Variants in GABRB2 observed in about 807,000 individuals in gnomAD.
GABRB2 encodes the protein gamma-aminobutyric acid type A receptor subunit beta2.
GABRB2 carries 16 observed loss-of-function variants against 54.7 expected under a neutral mutation model. The observed-to-expected ratio is 0.29, with a 90% CI of 0.20 to 0.44. The LOEUF is 0.44. GABRB2 is among the 20% of genes least tolerant of loss of function. GABRB2 has a pLI of 1.00. For synonymous variants in GABRB2, 244 were observed against 233.8 expected (o/e 1.04, Z -0.40); for missense variants, 355 against 644.0 (o/e 0.55, Z 4.86).
intron 5 of GABRB2, among the ~76,000 whole-genome samples, chr5:161,381,358 T>C (rs1755461308): frequency 6.6e-6 from 1 of 152,166 alleles, no homozygotes; most frequent in Non-Finnish European, 1.5e-5. Context: ...ATCCTTATAA[T>C]GACAGCAGTA....
At chr5:161,539,447 A>G (rs1760744974) in intron 3 of GABRB2, among the ~76,000 whole-genome samples, 1 of 152,142 alleles carries the variant, frequency 6.6e-6, no homozygotes, top group South Asian at 2.1e-4. Context: ...CATTTTCCTC[A>G]TGATTTTCTA....
At chr5:161,319,795 T>C (rs2113378515) in intron 9 of GABRB2, among the ~76,000 whole-genome samples, 1 of 152,014 alleles carries the variant, frequency 6.6e-6, no homozygotes, top group South Asian at 2.1e-4. Flanking sequence ...TCTTATGGGC[T>C]AGATGCTCTT....
At chr5:161,378,787 A>G (rs1454043219) in intron 5 of GABRB2, among the ~76,000 whole-genome samples, 5 of 152,224 alleles carry the variant, frequency 3.3e-5, no homozygotes, top group African/African-American at 1.2e-4. Context: ...AATAAAGAGT[A>G]TATTTGAAAA....
At chr5:161,326,283 A>T (rs1758358363) in intron 9 of GABRB2, 85 bp downstream of exon 9, 2 of 1,571,294 alleles carry the variant, frequency 1.3e-6, no homozygotes, top group Non-Finnish European at 8.6e-7. Flanking sequence ...ATCTGCAAAG[A>T]TCCCACACAT....
At chr5:161,495,831 T>C (rs767352872) in intron 3 of GABRB2, among the ~76,000 whole-genome samples, 5 of 152,142 alleles carry the variant, frequency 3.3e-5, no homozygotes, top group Non-Finnish European at 7.3e-5. Context: ...CCTATCCTTA[T>C]ATCTTCTATA....
At chr5:161,450,303 C>T (rs1015594220) in intron 4 of GABRB2, among the ~76,000 whole-genome samples, 17 of 152,006 alleles carry the variant, frequency 1.1e-4, no homozygotes, top group African/African-American at 4.1e-4. Flanking sequence ...GATCCATTGG[C>T]TACCAGAACA....
intron 4 of GABRB2, among the ~76,000 whole-genome samples, chr5:161,453,509 T>C (rs1757854011): frequency 6.6e-6 from 1 of 152,110 alleles, no homozygotes; most frequent in Non-Finnish European, 1.5e-5. Context: ...TGAGAAGGTA[T>C]CATCCATGAA....
chr5:161,387,207 T>A (rs1755671701), intron 5 of GABRB2, among the ~76,000 whole-genome samples: 1 of 152,176 alleles, frequency 6.6e-6, no homozygotes, highest in African/African-American at 2.4e-5. Context: ...GCCTTGTGAA[T>A]GACTGACTTC....
intron 3 of GABRB2, among the ~76,000 whole-genome samples, chr5:161,470,202 G>C (rs749757340): frequency 6.6e-6 from 1 of 151,298 alleles, no homozygotes; most frequent in Non-Finnish European, 1.5e-5. Context: ...GCCTTCTAAT[G>C]CATGTTCTGT....
chr5:161,407,130 C>T (rs574383753), intron 5 of GABRB2, among the ~76,000 whole-genome samples: 1 of 152,144 alleles, frequency 6.6e-6, no homozygotes, highest in African/African-American at 2.4e-5. Flanking sequence ...AAGCAGTTCA[C>T]ACGCCCTAAG....
intron 9 of GABRB2, among the ~76,000 whole-genome samples, chr5:161,312,883 C>T (rs1757911894): frequency 8.6e-6 from 1 of 116,926 alleles, no homozygotes; most frequent in South Asian, 2.4e-4. Context: ...TAAGAGATAA[C>T]TCAACCAGAG....
intron 3 of GABRB2, among the ~76,000 whole-genome samples, chr5:161,474,671 G>A (rs1295711856): frequency 1.3e-5 from 2 of 151,782 alleles, no homozygotes; most frequent in South Asian, 2.1e-4. Flanking sequence ...AGAAGCATTC[G>A]GTGATTGTTG....
At chr5:161,523,587 T>A (rs1760182695) in intron 3 of GABRB2, among the ~76,000 whole-genome samples, 1 of 151,590 alleles carries the variant, frequency 6.6e-6, no homozygotes, top group Non-Finnish European at 1.5e-5. Flanking sequence ...TAAACCTCAT[T>A]TATGTACAAT....
chr5:161,305,695 C>T (rs1757670389), intron 9 of GABRB2, among the ~76,000 whole-genome samples: 1 of 152,168 alleles, frequency 6.6e-6, no homozygotes, highest in Non-Finnish European at 1.5e-5. Flanking sequence ...ACACCATTTA[C>T]CTAGTAATTC....
chr5:161,424,619 T>A (rs1470111722), intron 4 of GABRB2, among the ~76,000 whole-genome samples: 1 of 152,122 alleles, frequency 6.6e-6, no homozygotes, highest in Non-Finnish European at 1.5e-5. Context: ...TCATTGACAA[T>A]GCACCTGGTC....
intron 3 of GABRB2, 138 bp from the exon 4 acceptor site, chr5:161,459,982 T>A (rs536957256): frequency 2.8e-4 from 156 of 565,680 alleles, no homozygotes; most frequent in Non-Finnish European, 4.3e-4. Flanking sequence ...TCTCACTCTG[T>A]CACCCAGGCT....
intron 5 of GABRB2, among the ~76,000 whole-genome samples, chr5:161,369,699 A>G (rs1478413842): frequency 1.3e-5 from 2 of 152,170 alleles, no homozygotes; most frequent in Non-Finnish European, 2.9e-5. Context: ...CTTCACATGG[A>G]ATTTTCATAA....
intron 4 of GABRB2, among the ~76,000 whole-genome samples, chr5:161,419,397 T>C (rs765186050): frequency 1.3e-5 from 2 of 152,190 alleles, no homozygotes; most frequent in African/African-American, 4.8e-5. Flanking sequence ...AAAAACAGTA[T>C]GGAGATTTCT....
At position 161,410,234 on chromosome 5, in the gene GABRB2, C is replaced by T. The variant is rs139014283; in HGVS notation, c.541+741G>A. Among the ~76,000 whole-genome samples, 1,038 of 152,262 alleles carry T rather than the reference C, an allele frequency of 6.8e-3. 8 individuals are homozygous for T. Among genetic ancestry groups the T allele is most frequent in the Middle Eastern group, 0.017 (5 of 294 alleles). ...CAAAATGTTCTTCTACCTCAAACCA[C>T]CTCCCTATGTGACCTCCAAAATGGA... On this transcript the variant is annotated intron_variant, in intron 5 of 9. Transcript: ENST00000393959.
Sources: allele counts gnomAD v4.1 joint callset (sites outside exome capture counted in the v4.1 genomes callset), GRCh38; gene constraint gnomAD v4.1.1; transcripts MANE v1.5; gene names NCBI Gene and HGNC (gene_info 2026-07-23, HGNC 2026-07-21).